Variants in TBC1D32 observed in about 807,000 individuals in gnomAD.
TBC1D32 encodes the protein TBC1 domain family member 32.
TBC1D32 carries 151 observed loss-of-function variants against 170.3 expected under a neutral mutation model. The observed-to-expected ratio is 0.89, with a 90% CI of 0.78 to 1.01. TBC1D32 has a LOEUF of 1.01. Ranked by LOEUF, TBC1D32 falls within the 50% of genes least tolerant of loss-of-function variation. The pLI, the probability that TBC1D32 is intolerant of heterozygous loss-of-function variation, is 0.00. For missense variants in TBC1D32, 1,464 were observed against 1,457.1 expected, an observed-to-expected ratio of 1.00 and a Z score of -0.08; for synonymous variants, 498 against 488.0, an observed-to-expected ratio of 1.02 and a Z score of -0.27.
intron 22 of TBC1D32, among the ~76,000 whole-genome samples, chr6:121,191,826 T>G (rs1028601466): frequency 6.6e-6 from 1 of 151,988 alleles, no homozygotes; most frequent in Admixed American, 6.6e-5. Flanking sequence ...CTTAATCTGG[T>G]GGGCACCATC....
At chr6:121,321,372 G>C (rs1809673270) in intron 2 of TBC1D32, among the ~76,000 whole-genome samples, 4 of 152,178 alleles carry the variant, frequency 2.6e-5, no homozygotes, top group Admixed American at 2.6e-4. Flanking sequence ...GGGAGAAAAT[G>C]ATAAGAAATG....
At chr6:121,106,980 T>C (rs768175822) in intron 29 of TBC1D32, among the ~76,000 whole-genome samples, 1 of 151,668 alleles carries the variant, frequency 6.6e-6, no homozygotes, top group Non-Finnish European at 1.5e-5. Context: ...TAACAAAGAG[T>C]AATAAACCTG....
Position 121,201,568 on chromosome 6 carries a change from G to A in TBC1D32, c.2570+3507C>T, listed in dbSNP as rs546972282. Among the ~76,000 whole-genome samples the A allele has an allele frequency of 8.6e-5, 13 of 151,212 alleles. No homozygotes were observed. The East Asian group carries it at 2.1e-3, about 25-fold the overall frequency. ...CTCTTTACCTTAGAGGAATCTCTTCGAAAATAATGACCCCTGGAGAGAAAA... is the reference window on the plus strand; with the variant it reads ...CTCTTTACCTTAGAGGAATCTCTTCAAAAATAATGACCCCTGGAGAGAAAA... On this transcript the variant is annotated intron_variant, in intron 22 of 31. Coordinates refer to ENST00000398212, the MANE Select transcript of TBC1D32 (RefSeq NM_152730.6).
At chr6:121,332,807 AAAAT>A (rs1277235616) in intron 1 of TBC1D32, among the ~76,000 whole-genome samples, 7 of 152,312 alleles carry the variant, frequency 4.6e-5, no homozygotes, top group Middle Eastern at 3.4e-3. Flanking sequence ...TGGTAGCACC[AAAAT>A]AAATAACGTT....
intron 11 of TBC1D32, among the ~76,000 whole-genome samples, chr6:121,293,877 T>C (rs917923658): frequency 4.6e-5 from 7 of 151,966 alleles, no homozygotes; most frequent in African/African-American, 9.7e-5. Flanking sequence ...TGCCACTGCA[T>C]TCCAGCCTGG....
chr6:121,283,708 T>A (rs1197792636), intron 13 of TBC1D32, 110 bp downstream of exon 13: 3 of 735,590 alleles, frequency 4.1e-6, no homozygotes, highest in African/African-American at 1.8e-5. Context: ...TGTATCTTAA[T>A]GAAACCTACT....
intron 21 of TBC1D32, among the ~76,000 whole-genome samples, chr6:121,218,248 G>A (rs561614358): frequency 6.6e-6 from 1 of 152,174 alleles, no homozygotes; most frequent in African/African-American, 2.4e-5. Context: ...AGTAAATAAT[G>A]CCACAGCCAT....
chr6:121,153,399 G>A (rs567006948), intron 24 of TBC1D32, among the ~76,000 whole-genome samples: 27 of 152,254 alleles, frequency 1.8e-4, no homozygotes, highest in Non-Finnish European at 4.0e-4. Flanking sequence ...CCAGATGCCA[G>A]CTGAAGCTCT....
chr6:121,198,068 G>A lies in TBC1D32; in HGVS notation c.2570+7007C>T, dbSNP rs1451113660. 8.2e-5 allele frequency among the ~76,000 whole-genome samples: 12 copies of A among 146,028 alleles called. 1 individual carries two copies. Among genetic ancestry groups the A allele is most frequent in the African/African-American group, 2.2e-4 (8 of 36,090 alleles). On this transcript the variant is annotated intron_variant, in intron 22 of 31. Transcript: ENST00000398212. ...GTTCTTCAGTTTTGAGAGTTGGACC[G>A]GCTCTCCTTGCTCCTCAAGTTTGCA...
At chr6:121,154,717 T>G (rs1286285536) in intron 24 of TBC1D32, among the ~76,000 whole-genome samples, 2 of 152,202 alleles carry the variant, frequency 1.3e-5, no homozygotes, top group Non-Finnish European at 2.9e-5. Flanking sequence ...AAAGAGTTTC[T>G]GCACAGCAAA....
At position 121,160,077 on chromosome 6, in the gene TBC1D32, C is replaced by A; in HGVS notation, c.2706G>T (p.Met902Ile). The A allele has an allele frequency of 6.2e-7, 1 of 1,606,736 alleles. No individual in the cohort carries two copies. The highest frequency in any genetic ancestry group is 8.5e-7 in the Non-Finnish European group (1 of 1,174,712). ...EKSDNPYPWP[M>I]FSSYPLPNCY... ...AGTTTGGCAATGGATATGATGAAAACATTGGCCAAGGATATGGATTATCAC... is the reference window on the plus strand; with the variant it reads ...AGTTTGGCAATGGATATGATGAAAAAATTGGCCAAGGATATGGATTATCAC... The change falls in exon 24 of 32, where the codon ATG (methionine) becomes ATT (isoleucine). Residue 902 changes from methionine (M) to isoleucine (I), a missense_variant. Around this residue, in one of 3 missense-constraint regions of TBC1D32, gnomAD observed 1,363 missense variants for 1,338.1 expected, o/e 1.02. Transcript: ENST00000398212.
intron 22 of TBC1D32, chr6:121,170,486 A>G (rs1328236441): frequency 6.2e-7 from 1 of 1,607,446 alleles, no homozygotes; most frequent in Non-Finnish European, 8.5e-7. Flanking sequence ...AGCCTCTAAC[A>G]GGAGAAGAGT....
At chr6:121,151,448 T>C (rs1416183925) in intron 24 of TBC1D32, among the ~76,000 whole-genome samples, 1 of 152,092 alleles carries the variant, frequency 6.6e-6, no homozygotes, top group Non-Finnish European at 1.5e-5. Context: ...GAATAAGTGC[T>C]ATGTGGTGCT....
At chr6:121,209,956 C>T (rs952233513) in intron 21 of TBC1D32, among the ~76,000 whole-genome samples, 1 of 152,164 alleles carries the variant, frequency 6.6e-6, no homozygotes, top group Admixed American at 6.5e-5. Flanking sequence ...CTACCTAATA[C>T]AATACCATGT....
chr6:121,195,464 A>G (rs1425013087), intron 22 of TBC1D32, among the ~76,000 whole-genome samples: 1 of 152,148 alleles, frequency 6.6e-6, no homozygotes, highest in Non-Finnish European at 1.5e-5. Context: ...TCAAGTCACC[A>G]TGTGACCTGA....
In TBC1D32 at chr6:121,240,357, A is replaced by ATTTT. The variant is rs35946120; in HGVS notation, c.2245+1104_2245+1107dup. The stretch of plus-strand genomic sequence containing the variant: ...AAAATTAGTGGTTCAGTTTAGGACA[A>ATTTT]TTTTTTTTTTTTTTTTTTTTTTTTT... On this transcript the variant is annotated intron_variant, in intron 19 of 31. Coordinates refer to ENST00000398212, the MANE Select transcript of TBC1D32 (RefSeq NM_152730.6). Among the ~76,000 whole-genome samples the ATTTT allele has an allele frequency of 5.0e-3, 380 of 75,290 alleles. 21 individuals carry two copies. The highest frequency in any genetic ancestry group is 0.02 in the African/African-American group (354 of 17,776). 49.4% of individuals were successfully genotyped at this position (75,290 alleles called of 152,430 possible).
At chr6:121,083,026 T>C (rs919031631) in intron 31 of TBC1D32, among the ~76,000 whole-genome samples, 1 of 152,056 alleles carries the variant, frequency 6.6e-6, no homozygotes, top group Non-Finnish European at 1.5e-5. Flanking sequence ...AGAACATTTT[T>C]TCATCTTATC....
intron 29 of TBC1D32, among the ~76,000 whole-genome samples, chr6:121,107,499 T>G (rs145468846): frequency 5.3e-4 from 81 of 152,030 alleles, no homozygotes; most frequent in Non-Finnish European, 1.0e-3. Context: ...GCACAGTAAA[T>G]GGATATCTTG....
At chr6:121,237,099 T>C (rs1796420680) in intron 20 of TBC1D32, 2 of 152,146 alleles carry the variant, frequency 1.3e-5, no homozygotes, top group East Asian at 1.9e-4. Context: ...TTCTTAGCCT[T>C]TGTTTATTTT....
Sources: gnomAD v4.1 joint callset for allele counts (sites outside exome capture counted in the v4.1 genomes callset) on GRCh38, gnomAD v4.1.1 for gene constraint, gnomAD v4.1.1 regional missense constraint, MANE v1.5 for transcripts, NCBI Gene and HGNC (gene_info 2026-07-23, HGNC 2026-07-21) for gene names.